Variants in RHOD observed in about 807,000 individuals in gnomAD.
The protein encoded by RHOD is ras homolog family member D, also known as rho-related GTP-binding protein RhoD.
RHOD carries 11 observed loss-of-function variants against 16.7 expected under a neutral mutation model. That is an observed-to-expected ratio of 0.66 (90% CI 0.41 to 1.09). RHOD has a LOEUF of 1.09. Ranked by LOEUF, RHOD falls within the 50% of genes least tolerant of loss-of-function variation. The pLI is 0.00. For missense variants in RHOD, 271 were observed against 291.7 expected (o/e 0.93, Z 0.52); for synonymous variants, 124 against 126.3 (o/e 0.98, Z 0.12).
At chr11:67,062,517 T>C (rs567571053) in intron 1 of RHOD, among the ~76,000 whole-genome samples, 8 of 152,260 alleles carry the variant, frequency 5.3e-5, no homozygotes, top group Admixed American at 2.0e-4. Context: ...AGTGATAGCA[T>C]GTCTAGAGTC....
intron 4 of RHOD, among the ~76,000 whole-genome samples, chr11:67,070,834 C>T (rs1169326473): frequency 2.0e-5 from 3 of 152,282 alleles, no homozygotes; most frequent in African/African-American, 2.4e-5. Flanking sequence ...CAGGCAGGCA[C>T]CCACATATTC....
At chr11:67,065,822 C>T (rs1162232893) in intron 1 of RHOD, 74 bp from the exon 2 acceptor site, 18 of 951,010 alleles carry the variant, frequency 1.9e-5, no homozygotes, top group Admixed American at 7.6e-5. Context: ...GAGGGAGCAG[C>T]GCTGTGGACA....
At chr11:67,065,799 A>G (rs551455017) in intron 1 of RHOD, 97 bp from the exon 2 acceptor site, 2 of 765,312 alleles carry the variant, frequency 2.6e-6, no homozygotes, top group Non-Finnish European at 4.4e-6. Flanking sequence ...ACTACGCTCC[A>G]CTGACCCCCA....
At chr11:67,063,508 T>TAAAAAAAA (rs58807370) in intron 1 of RHOD, among the ~76,000 whole-genome samples, 44 of 131,604 alleles carry the variant, frequency 3.3e-4, no homozygotes, top group African/African-American at 1.2e-3. Context: ...TTTTTTTTTT[T>TAAAAAAAA]AAAAAAAGGC....
intron 3 of RHOD, 93 bp downstream of exon 3, chr11:67,066,940 C>A: frequency 1.2e-6 from 1 of 860,052 alleles, no homozygotes; most frequent in South Asian, 1.3e-5. Flanking sequence ...CAGAGCTTGG[C>A]AGGCCCAAAA....
At chr11:67,058,079 T>C (rs1481196334) in intron 1 of RHOD, among the ~76,000 whole-genome samples, 1 of 152,202 alleles carries the variant, frequency 6.6e-6, no homozygotes, top group East Asian at 1.9e-4. Context: ...CACTGCAACC[T>C]CCGCCTCCTG....
At chr11:67,064,851 G>T (rs1402771298) in intron 1 of RHOD, among the ~76,000 whole-genome samples, 1 of 152,122 alleles carries the variant, frequency 6.6e-6, no homozygotes, top group African/African-American at 2.4e-5. Flanking sequence ...TGGGGTTGCA[G>T]TGAGCTGTGG....
chr11:67,064,274 C>T (rs1231493310), intron 1 of RHOD, among the ~76,000 whole-genome samples: 1 of 150,560 alleles, frequency 6.6e-6, no homozygotes, highest in Non-Finnish European at 1.5e-5. Flanking sequence ...GGCGTGGTGG[C>T]GGGCGCCTGT....
intron 1 of RHOD, among the ~76,000 whole-genome samples, chr11:67,064,755 C>G (rs1854937757): frequency 6.6e-6 from 1 of 152,062 alleles, no homozygotes; most frequent in Non-Finnish European, 1.5e-5. Flanking sequence ...TGAATGAAGG[C>G]TCAGAAATGG....
In RHOD at chr11:67,071,510, G is replaced by A. The variant is rs1192716657; in HGVS notation, c.541G>A (p.Ala181Thr). 8.7e-6 allele frequency: 14 copies of A among 1,611,536 alleles called. No homozygotes were observed. The highest frequency in any genetic ancestry group is 3.3e-5 in the South Asian group (3 of 91,008). ...GGCTCGGCTCCATGACAACGTCCAC[G>A]CCGTCTTCCAGGAGGCCGCCGAGGT... ...CSARLHDNVH[A>T]VFQEAAEVAL... is the part of the protein sequence containing the mutation. The change falls in exon 5 of 5, where the codon GCC becomes ACC. Residue 181 changes from alanine to threonine, a missense_variant. Coordinates refer to ENST00000308831, the MANE Select transcript of RHOD (RefSeq NM_014578.4).
At chr11:67,063,841 C>T (rs558795260) in intron 1 of RHOD, among the ~76,000 whole-genome samples, 6 of 145,096 alleles carry the variant, frequency 4.1e-5, no homozygotes, top group Non-Finnish European at 7.5e-5. Flanking sequence ...GGTACAGTGG[C>T]TCATGCCTGT....
In RHOD at chr11:67,066,782, G is replaced by T. The variant is rs1050130482; in HGVS notation, c.265G>T (p.Ala89Ser). 6 of 1,614,028 alleles carry T rather than the reference G, an allele frequency of 3.7e-6. No homozygotes were observed. Among genetic ancestry groups the T allele is most frequent in the Non-Finnish European group, 5.1e-6 (6 of 1,179,926 alleles). ...DRLRPLFYPDASVLLLCFDVT... is the reference protein window; with the variant it reads ...DRLRPLFYPDSSVLLLCFDVT... ...CCTGCGGCCCCTGTTCTACCCTGAC[G>T]CCAGCGTCCTGCTGCTTTGCTTCGA... The change falls in exon 3 of 5, where the codon GCC becomes TCC. Residue 89 changes from alanine (A) to serine (S), a missense_variant. Transcript: ENST00000308831.
In RHOD at chr11:67,070,284, A is replaced by G. The variant is rs751089859; in HGVS notation, c.331-141A>G. ...ATTCTTAGATGAGGTTCTGGTACCA[A>G]ATAGTTTCTCCCTAGGTGCTGGCTT... On this transcript the variant is annotated intron_variant, in intron 3 of 4. Coordinates refer to ENST00000308831, the MANE Select transcript of RHOD (RefSeq NM_014578.4). 3.4e-6 allele frequency: 3 copies of G among 883,850 alleles called. No homozygotes were observed. The South Asian group carries it at 4.2e-5, about 12-fold the overall frequency. 54.8% of individuals were successfully genotyped at this position (883,850 alleles called of 1,614,324 possible). A position where few individuals can be genotyped will look rare whatever the true frequency, so the allele number is the denominator to read the frequency against.
rs552423233 is a variant in RHOD, at chr11:67,071,955, C to T, written c.*353C>T. The T allele has an allele frequency of 3.4e-5, 9 of 265,956 alleles. No homozygotes were observed. The East Asian group carries it at 6.1e-4, about 18-fold the overall frequency. 16.5% of individuals were successfully genotyped at this position (265,956 alleles called of 1,614,324 possible). On this transcript the variant is annotated 3_prime_UTR_variant, in exon 5 of 5. Transcript: ENST00000308831. ...GTTCTTAGGTCCCTCTGGCCAGAACCCACACCCGGCCCCTTCCCACCTGTC... is the reference window on the plus strand; with the variant it reads ...GTTCTTAGGTCCCTCTGGCCAGAACTCACACCCGGCCCCTTCCCACCTGTC...
chr11:67,065,752 AC>A (rs1854951706), intron 1 of RHOD, 143 bp from the exon 2 acceptor site: 2 of 599,226 alleles, frequency 3.3e-6, no homozygotes, highest in Non-Finnish European at 6.0e-6. Context: ...CTAGGCCGCC[AC>A]CCCAGGCAGG....
At chr11:67,062,483 C>T (rs1854904657) in intron 1 of RHOD, among the ~76,000 whole-genome samples, 1 of 152,162 alleles carries the variant, frequency 6.6e-6, no homozygotes, top group Non-Finnish European at 1.5e-5. Flanking sequence ...TTGTCTGTTC[C>T]TGTTGGTTCC....
chr11:67,065,827 T>G (rs1191071063), intron 1 of RHOD, 69 bp from the exon 2 acceptor site: 5 of 1,031,388 alleles, frequency 4.8e-6, no homozygotes, highest in Non-Finnish European at 7.6e-6. Context: ...AGCAGCGCTG[T>G]GGACAGACCA....
At chr11:67,070,336 G>A in intron 3 of RHOD, 89 bp from the exon 4 acceptor site, 1 of 1,393,424 alleles carries the variant, frequency 7.2e-7, no homozygotes. Context: ...CAGAGCTCAG[G>A]CTGGGGAGCA....
At chr11:67,062,167 G>A (rs1169879096) in intron 1 of RHOD, among the ~76,000 whole-genome samples, 2 of 152,116 alleles carry the variant, frequency 1.3e-5, no homozygotes, top group South Asian at 2.1e-4. Context: ...AAGGATGGAC[G>A]GGGGCTCGTG....
Sources: allele counts gnomAD v4.1 joint callset (sites outside exome capture counted in the v4.1 genomes callset), GRCh38; gene constraint gnomAD v4.1.1; transcripts MANE v1.5; gene names NCBI Gene and HGNC (gene_info 2026-07-23, HGNC 2026-07-21).